AIDA: variants seen among roughly 807,000 people sequenced by gnomAD.
AIDA encodes the protein axin interactor, dorsalization associated, also known as axin interactor, dorsalization-associated protein.
In AIDA, 18 loss-of-function variants were observed where a neutral mutation model predicts 42.7. The ratio of observed to expected loss-of-function variants is 0.42; its 90% CI spans 0.29 to 0.63. The LOEUF (loss-of-function observed/expected upper bound fraction) is 0.63. AIDA is among the 20% of genes least tolerant of loss of function. The pLI is 0.19. For missense variants in AIDA, 250 were observed against 354.1 expected, an observed-to-expected ratio of 0.71 and a Z score of 2.36; for synonymous variants, 104 against 122.9, an observed-to-expected ratio of 0.85 and a Z score of 1.02.
chr1:222,684,653 A>G (rs973132026), intron 6 of AIDA, among the ~76,000 whole-genome samples: 35 of 152,086 alleles, frequency 2.3e-4, no homozygotes, highest in Admixed American at 3.3e-4. Flanking sequence ...TTTAGGGGGG[A>G]AAAAAATTCA....
chr1:222,703,175 A>G lies in AIDA; in HGVS notation c.153T>C (p.Asn51=). 6.2e-7 allele frequency: 1 copy of G among 1,609,870 alleles called. No individual in the cohort carries two copies. The highest frequency in any genetic ancestry group is 8.5e-7 in the Non-Finnish European group (1 of 1,178,518). Residue 51 remains asparagine (N), a synonymous_variant, in exon 2 of 10, where the codon AAT becomes AAC. Coordinates refer to ENST00000340020, the MANE Select transcript of AIDA (RefSeq NM_022831.4). ...HLQKEAQAQH[N]NSEFTEEQKK... ...TTTGTTCTTCTGTGAATTCAGAATTATTGTGTTGAGCTTGGGCCTCCTTTT... is the reference window on the plus strand; with the variant it reads ...TTTGTTCTTCTGTGAATTCAGAATTGTTGTGTTGAGCTTGGGCCTCCTTTT...
At chr1:222,712,164 A>G in intron 1 of AIDA, 44 bp downstream of exon 1, 8 of 1,556,462 alleles carry the variant, frequency 5.1e-6, no homozygotes, top group Non-Finnish European at 7.0e-6. Flanking sequence ...GGAGAGGCGC[A>G]CGACTGGAGC....
At chr1:222,684,112 ATTTC>A (rs1470374904) in intron 6 of AIDA, among the ~76,000 whole-genome samples, 1 of 151,420 alleles carries the variant, frequency 6.6e-6, no homozygotes, top group East Asian at 1.9e-4. Context: ...AAAAGAATGA[ATTTC>A]TTTTTTTTTT....
intron 6 of AIDA, among the ~76,000 whole-genome samples, chr1:222,681,607 G>T (rs953830615): frequency 6.6e-6 from 1 of 152,322 alleles, no homozygotes; most frequent in Non-Finnish European, 1.5e-5. Context: ...AGGTTGCAGT[G>T]AGCTGAAATT....
chr1:222,671,069 AT>A (rs1477304160), intron 8 of AIDA, among the ~76,000 whole-genome samples: 2 of 151,926 alleles, frequency 1.3e-5, no homozygotes, highest in East Asian at 3.9e-4. Flanking sequence ...TACAAAAAAA[AT>A]TTTAAAAATA....
In AIDA at chr1:222,712,192, G is replaced by A. The variant is rs768201443; in HGVS notation, c.110+16C>T. 1.9e-6 allele frequency: 3 copies of A among 1,589,664 alleles called. No homozygotes were observed. The highest frequency in any genetic ancestry group is 2.7e-5 in the African/African-American group (2 of 74,088). On this transcript the variant is annotated intron_variant, in intron 1 of 9. Transcript: ENST00000340020. ...ACTGGAGCCGGTCTGGCCTGCTCCC[G>A]CGGTTAGTCACTCACATCTGATACT...
chr1:222,705,658 G>A (rs1270419914), intron 1 of AIDA, among the ~76,000 whole-genome samples: 2 of 152,128 alleles, frequency 1.3e-5, no homozygotes, highest in Non-Finnish European at 2.9e-5. Flanking sequence ...CCAAGTGGGT[G>A]GATCACCTGA....
At position 222,698,848 on chromosome 1, in the gene AIDA, C is replaced by G. The variant is rs372629321; in HGVS notation, c.180+4300G>C. On this transcript the variant is annotated intron_variant, in intron 2 of 9. Transcript: ENST00000340020. Reference sequence around the variant, plus strand: ...TGTTTTGTGTTTGTTTGTTTTGAGACAGAGTCTAGCTCTGTAGCCCAGGGT... The same window carrying G: ...TGTTTTGTGTTTGTTTGTTTTGAGAGAGAGTCTAGCTCTGTAGCCCAGGGT... Among the ~76,000 whole-genome samples the G allele has an allele frequency of 5.7e-4, 86 of 152,196 alleles. 1 individual carries two copies. Among genetic ancestry groups the G allele is most frequent in the African/African-American group, 2.0e-3 (84 of 41,540 alleles).
rs1026524521 is a variant in AIDA, at chr1:222,668,735, G to A, written c.*1158C>T. The A allele has an allele frequency of 6.0e-5, 8 of 132,676 alleles. No individual in the cohort carries two copies. The highest frequency in any genetic ancestry group is 1.1e-4 in the Non-Finnish European group (7 of 62,842). 8.2% of individuals were successfully genotyped at this position (132,676 alleles called of 1,614,324 possible). A position where few individuals can be genotyped will look rare whatever the true frequency, so the allele number is the denominator to read the frequency against. On this transcript the variant is annotated 3_prime_UTR_variant, in exon 10 of 10. Transcript: ENST00000340020. ...AAAATAGTGAATATTAAAATATGTG[G>A]GCTTTACATCTAACCCACAGAAAGC...
chr1:222,693,894 C>T lies in AIDA; in HGVS notation c.235-51G>A, dbSNP rs186791914. On this transcript the variant is annotated intron_variant, in intron 3 of 9. Transcript: ENST00000340020. ...TCTTTTCACTACAAGGATTTCACTG[C>T]ACCCTGTCTTTTAAGTGGCAAGAAC... The T allele has an allele frequency of 3.8e-4, 524 of 1,396,290 alleles. 1 individual carries two copies. In the African/African-American group the frequency reaches 6.5e-3, roughly 17 times the overall value. 86.5% of individuals were successfully genotyped at this position (1,396,290 alleles called of 1,614,324 possible). A position where few individuals can be genotyped will look rare whatever the true frequency, so the allele number is the denominator to read the frequency against.
At chr1:222,672,414 CAT>C (rs375627243) in intron 8 of AIDA, among the ~76,000 whole-genome samples, 2 of 152,298 alleles carry the variant, frequency 1.3e-5, no homozygotes, top group East Asian at 3.9e-4. Flanking sequence ...CTCCTACATA[CAT>C]AGTCTTCTAA....
intron 2 of AIDA, among the ~76,000 whole-genome samples, chr1:222,694,817 T>G (rs1655470305): frequency 6.6e-6 from 1 of 152,206 alleles, no homozygotes; most frequent in African/African-American, 2.4e-5. Context: ...TGTTTGCCTT[T>G]AATAAGCTCA....
intron 1 of AIDA, among the ~76,000 whole-genome samples, chr1:222,704,672 C>T (rs1655792910): frequency 6.6e-6 from 1 of 151,600 alleles, no homozygotes; most frequent in South Asian, 2.1e-4. Flanking sequence ...GTAACTGATA[C>T]CAAGTATGGG....
In AIDA at chr1:222,670,138, T is replaced by C; in HGVS notation, c.819A>G (p.Ile273Met). 2 of 1,613,768 alleles carry C rather than the reference T, an allele frequency of 1.2e-6. No homozygotes were observed. Among genetic ancestry groups the C allele is most frequent in the Non-Finnish European group, 8.5e-7 (1 of 1,179,686 alleles). The change falls in exon 9 of 10, where the codon ATA becomes ATG. Residue 273 changes from isoleucine (I) to methionine (M), a missense_variant. Physicochemically the swap from Ile to Met is conservative, Grantham distance 10. This residue lies in a region of AIDA where 35 missense variants were observed against 75.9 expected (regional missense o/e 0.46). Coordinates refer to ENST00000340020, the MANE Select transcript of AIDA (RefSeq NM_022831.4). ...TCTATATGCACATCACTTACAGTTCTATTACAATTGGCCCAGGTTTAATTT... is the reference window on the plus strand; with the variant it reads ...TCTATATGCACATCACTTACAGTTCCATTACAATTGGCCCAGGTTTAATTT... The part of the protein sequence containing the change: ...MDEIKPGPIV[I>M]ELYKKPTDFK...
At chr1:222,694,139 G>T in intron 3 of AIDA, 71 bp downstream of exon 3, 1 of 1,350,004 alleles carries the variant, frequency 7.4e-7, no homozygotes, top group African/African-American at 1.5e-5. Flanking sequence ...TGACATAAAT[G>T]TCTAATGTTT....
chr1:222,670,138 T>A lies in AIDA; in HGVS notation c.819A>T (p.Ile273=), dbSNP rs758541231. 6.2e-7 allele frequency: 1 copy of A among 1,613,768 alleles called. No homozygotes were observed. The highest frequency in any genetic ancestry group is 8.5e-7 in the Non-Finnish European group (1 of 1,179,686). Residue 273 remains isoleucine, a synonymous_variant, in exon 9 of 10, where the codon ATA becomes ATT. Coordinates refer to ENST00000340020, the MANE Select transcript of AIDA (RefSeq NM_022831.4). ...TCTATATGCACATCACTTACAGTTC[T>A]ATTACAATTGGCCCAGGTTTAATTT... is the stretch of plus-strand genomic sequence containing the variant. ...MDEIKPGPIV[I]ELYKKPTDFK...
intron 8 of AIDA, among the ~76,000 whole-genome samples, chr1:222,671,501 C>G (rs1246389141): frequency 6.6e-6 from 1 of 152,086 alleles, no homozygotes; most frequent in African/African-American, 2.4e-5. Flanking sequence ...CCGCTGATGA[C>G]AAAACTCACA....
chr1:222,710,492 A>G (rs1655967167), intron 1 of AIDA, among the ~76,000 whole-genome samples: 1 of 152,236 alleles, frequency 6.6e-6, no homozygotes, highest in Non-Finnish European at 1.5e-5. Flanking sequence ...CCCAGTGTCA[A>G]CAGCTGCTAG....
intron 6 of AIDA, among the ~76,000 whole-genome samples, chr1:222,677,797 A>G (rs535109212): frequency 6.6e-6 from 1 of 152,268 alleles, no homozygotes; most frequent in East Asian, 1.9e-4. Flanking sequence ...ATTTTCTGTA[A>G]TAGTCCATGT....
Sources: allele counts gnomAD v4.1 joint callset (sites outside exome capture counted in the v4.1 genomes callset), GRCh38; gene constraint gnomAD v4.1.1; regional missense constraint gnomAD v4.1.1; transcripts MANE v1.5; gene names NCBI Gene and HGNC (gene_info 2026-07-23, HGNC 2026-07-21).